ASIC2: variants seen among roughly 807,000 people sequenced by gnomAD.
ASIC2 encodes the protein acid-sensing ion channel 2.
ASIC2 carries 25 observed loss-of-function variants against 57.3 expected under a neutral mutation model. That is an observed-to-expected ratio of 0.44 (90% confidence interval 0.32 to 0.61). ASIC2 has a LOEUF of 0.61. Among genes scored for constraint, ASIC2 ranks in the 20% least tolerant of loss-of-function variants. The probability of loss-of-function intolerance (pLI) is 0.06; values close to 1 mark genes in which losing one functional copy is unlikely to be tolerated. For synonymous variants in ASIC2, 319 were observed against 307.5 expected, an observed-to-expected ratio of 1.04 and a Z score of -0.39; for missense variants, 641 against 738.1, an observed-to-expected ratio of 0.87 and a Z score of 1.52.
intron 1 of ASIC2, chr17:33,794,688 C>T (rs75281855): frequency 2.0e-3 from 310 of 152,240 alleles, no homozygotes; most frequent in African/African-American, 7.2e-3. Context: ...CCCTCCGAGG[C>T]CATTAAATTC....
intron 1 of ASIC2, among the ~76,000 whole-genome samples, chr17:33,859,512 G>A (rs1174803354): frequency 1.3e-5 from 2 of 152,182 alleles, no homozygotes; most frequent in Non-Finnish European, 2.9e-5. Context: ...GTATCACACT[G>A]GGAGCAACTG....
intron 1 of ASIC2, among the ~76,000 whole-genome samples, chr17:33,870,436 G>T: frequency 6.6e-6 from 1 of 151,788 alleles, no homozygotes; most frequent in East Asian, 2.0e-4. Context: ...ACAACACTTT[G>T]CTTGACTTGG....
At chr17:33,864,816 C>A (rs1914190210) in intron 1 of ASIC2, among the ~76,000 whole-genome samples, 1 of 152,094 alleles carries the variant, frequency 6.6e-6, no homozygotes, top group Non-Finnish European at 1.5e-5. Context: ...ATAAAGATCA[C>A]AAAGATACAC....
chr17:33,756,111 T>A (rs1020327497), intron 1 of ASIC2, among the ~76,000 whole-genome samples: 1 of 152,238 alleles, frequency 6.6e-6, no homozygotes, highest in Admixed American at 6.5e-5. Context: ...TGAACAGGCT[T>A]GATCAATGAA....
At chr17:33,564,278 C>T (rs570980691) in intron 1 of ASIC2, among the ~76,000 whole-genome samples, 140 of 152,306 alleles carry the variant, frequency 9.2e-4, no homozygotes, top group Middle Eastern at 3.4e-3. Flanking sequence ...AAGAAAACCT[C>T]AATATTGAAA....
chr17:33,446,563 C>T (rs1209575883), intron 1 of ASIC2, among the ~76,000 whole-genome samples: 2 of 152,120 alleles, frequency 1.3e-5, no homozygotes, highest in East Asian at 3.9e-4. Flanking sequence ...GTTTCAATCT[C>T]CAGGTGCAGG....
intron 1 of ASIC2, among the ~76,000 whole-genome samples, chr17:34,077,064 A>G (rs1011817709): frequency 3.9e-5 from 6 of 152,168 alleles, no homozygotes; most frequent in African/African-American, 1.4e-4. Context: ...AAGTGATGTA[A>G]TTTGCCCAAG....
chr17:33,135,244 C>T (rs1438442634), intron 1 of ASIC2, among the ~76,000 whole-genome samples: 1 of 152,142 alleles, frequency 6.6e-6, no homozygotes, highest in Non-Finnish European at 1.5e-5. Flanking sequence ...TGTCTCATCC[C>T]TCCATGCCTT....
chr17:33,388,096 G>A (rs112660846), intron 1 of ASIC2, among the ~76,000 whole-genome samples: 20 of 151,588 alleles, frequency 1.3e-4, no homozygotes, highest in African/African-American at 4.4e-4. Context: ...ACAAAGCAAA[G>A]CAAAACAAAA....
chr17:33,240,502 G>A (rs1306396657), intron 1 of ASIC2, among the ~76,000 whole-genome samples: 1 of 152,206 alleles, frequency 6.6e-6, no homozygotes, highest in Non-Finnish European at 1.5e-5. Flanking sequence ...CTAGGCAACT[G>A]GTCAGAAAGC....
At chr17:33,317,946 G>A (rs982519914) in intron 1 of ASIC2, among the ~76,000 whole-genome samples, 9 of 151,596 alleles carry the variant, frequency 5.9e-5, no homozygotes, top group Admixed American at 5.9e-4. Flanking sequence ...GTTTATATAT[G>A]AGCTTGTAGG....
chr17:33,849,350 C>T (rs1349755769), intron 1 of ASIC2, among the ~76,000 whole-genome samples: 1 of 152,122 alleles, frequency 6.6e-6, no homozygotes, highest in Non-Finnish European at 1.5e-5. Context: ...CTTAACTGAG[C>T]CTCACCAGGG....
intron 1 of ASIC2, among the ~76,000 whole-genome samples, chr17:33,676,749 G>A (rs1371292260): frequency 6.6e-6 from 1 of 152,376 alleles, no homozygotes; most frequent in East Asian, 1.9e-4. Context: ...GCAAGTTATC[G>A]AGAAAATCTA....
chr17:33,039,853 C>T (rs2091923268), intron 3 of ASIC2, among the ~76,000 whole-genome samples: 1 of 152,162 alleles, frequency 6.6e-6, no homozygotes, highest in Admixed American at 6.5e-5. Flanking sequence ...TTTCTTCTCC[C>T]TCCTCCTTTC....
intron 6 of ASIC2, among the ~76,000 whole-genome samples, chr17:33,023,039 G>A (rs1420881558): frequency 6.6e-6 from 1 of 152,184 alleles, no homozygotes; most frequent in East Asian, 1.9e-4. Context: ...AAAGCATTGG[G>A]ATTACAGGCA....
intron 1 of ASIC2, among the ~76,000 whole-genome samples, chr17:33,910,633 G>A (rs545875669): frequency 3.0e-4 from 46 of 152,278 alleles, no homozygotes; most frequent in African/African-American, 1.1e-3. Flanking sequence ...AGGGCAGGGG[G>A]CAGATCTGGT....
intron 1 of ASIC2, among the ~76,000 whole-genome samples, chr17:33,633,913 C>A (rs1906259594): frequency 6.6e-6 from 1 of 152,210 alleles, no homozygotes; most frequent in South Asian, 2.1e-4. Flanking sequence ...CTGTGCAAAG[C>A]CCCAGAGCTA....
At chr17:33,431,551 G>A (rs928179066) in intron 1 of ASIC2, among the ~76,000 whole-genome samples, 2 of 152,102 alleles carry the variant, frequency 1.3e-5, no homozygotes, top group East Asian at 1.9e-4. Context: ...GTCGCCGTGA[G>A]CTGAGATCGT....
rs111816190 is a variant in ASIC2 at position 33,027,291 on chromosome 17, G to A, written c.1138+951C>T. Among the ~76,000 whole-genome samples the A allele has an allele frequency of 3.6e-3, 552 of 152,076 alleles. 5 individuals carry two copies. The highest frequency in any genetic ancestry group is 0.013 in the African/African-American group (527 of 41,464). On this transcript the variant is annotated intron_variant, in intron 4 of 9. Coordinates refer to ENST00000225823, the MANE Select transcript of ASIC2 (RefSeq NM_183377.2). ...ATTTTGAGGACTCTGATTAGATTTGGGCCCACCTTTCAGCACAGATTATCA... is the reference window on the plus strand; with the variant it reads ...ATTTTGAGGACTCTGATTAGATTTGAGCCCACCTTTCAGCACAGATTATCA...
Sources: gnomAD v4.1 joint callset for allele counts (sites outside exome capture counted in the v4.1 genomes callset) on GRCh38, gnomAD v4.1.1 for gene constraint, MANE v1.5 for transcripts, NCBI Gene and HGNC (gene_info 2026-07-23, HGNC 2026-07-21) for gene names.